The following KCNJ6 variants were observed in gnomAD, a reference collection of about 807,000 sequenced individuals.
KCNJ6 encodes potassium inwardly rectifying channel subfamily J member 6.
Under a neutral mutation model 34.2 loss-of-function variants are expected in KCNJ6, and 9 were observed. The observed-to-expected ratio is 0.26, with a 90% CI of 0.16 to 0.46. The LOEUF (loss-of-function observed/expected upper bound fraction) is 0.46. Ranked by LOEUF, KCNJ6 falls within the 20% of genes least tolerant of loss-of-function variation. The probability of loss-of-function intolerance (pLI) is 1.00; values close to 1 mark genes in which losing one functional copy is unlikely to be tolerated. For synonymous variants in KCNJ6, 196 were observed against 207.1 expected, an observed-to-expected ratio of 0.95 and a Z score of 0.46; for missense variants, 236 against 531.3, an observed-to-expected ratio of 0.44 and a Z score of 5.46.
At chr21:37,796,011 T>A (rs140442578) in intron 2 of KCNJ6, among the ~76,000 whole-genome samples, 1 of 152,200 alleles carries the variant, frequency 6.6e-6, no homozygotes, top group East Asian at 1.9e-4. Context: ...AATTGAGATG[T>A]AGAAGAATAA....
At chr21:37,654,903 C>G (rs1008553663) in intron 3 of KCNJ6, among the ~76,000 whole-genome samples, 1 of 152,166 alleles carries the variant, frequency 6.6e-6, no homozygotes, top group East Asian at 1.9e-4. Flanking sequence ...ATGGACATCC[C>G]CAAGGCCAAT....
intron 1 of KCNJ6, among the ~76,000 whole-genome samples, chr21:37,850,899 G>A (rs1054519615): frequency 6.6e-6 from 1 of 152,174 alleles, no homozygotes; most frequent in South Asian, 2.1e-4. Flanking sequence ...TATGCATGCT[G>A]CTGTGGGACT....
chr21:37,607,451 C>G lies in KCNJ6; in HGVS notation c.*17708G>C, dbSNP rs892848017. The G allele has an allele frequency of 1.0e-5, 1 of 96,670 alleles. No individual in the cohort carries two copies. Among genetic ancestry groups the G allele is most frequent in the Non-Finnish European group, 2.1e-5 (1 of 47,904 alleles). 6.0% of individuals were successfully genotyped at this position (96,670 alleles called of 1,614,324 possible). On this transcript the variant is annotated 3_prime_UTR_variant, in exon 4 of 4. Transcript: ENST00000609713. ...TATGTAAACAGTTTCCCTAACACAG[C>G]GAGTTCTTAAAGATATATATATATA...
At chr21:37,909,966 G>A (rs1242886036) in intron 1 of KCNJ6, among the ~76,000 whole-genome samples, 1 of 152,128 alleles carries the variant, frequency 6.6e-6, no homozygotes, top group East Asian at 1.9e-4. Context: ...TGAATTGTCC[G>A]GTCAATGGAA....
chr21:37,709,247 C>T (rs2054737297), intron 3 of KCNJ6, among the ~76,000 whole-genome samples: 1 of 152,064 alleles, frequency 6.6e-6, no homozygotes, highest in South Asian at 2.1e-4. Context: ...CGCGGTGGCT[C>T]ACACCTGTAA....
Position 37,612,655 on chromosome 21 carries a change from A to G in KCNJ6, c.*12504T>C, listed in dbSNP as rs1330649073. ...ATCCTTGGCAAAGGAGCACAGGCAA[A>G]ACAGTGCGGCAAAGAGGGTCTTTTC... On this transcript the variant is annotated 3_prime_UTR_variant, in exon 4 of 4. Coordinates refer to ENST00000609713, the MANE Select transcript of KCNJ6 (RefSeq NM_002240.5). 1.3e-5 allele frequency: 2 copies of G among 151,990 alleles called. No homozygotes were observed. Among genetic ancestry groups the G allele is most frequent in the Non-Finnish European group, 2.9e-5 (2 of 68,008 alleles). 9.4% of individuals were successfully genotyped at this position (151,990 alleles called of 1,614,324 possible). A position where few individuals can be genotyped will look rare whatever the true frequency, so the allele number is the denominator to read the frequency against.
In KCNJ6 at chr21:37,767,495, CA is replaced by C. The variant is rs1254449685; in HGVS notation, c.26-52365del. On this transcript the variant is annotated intron_variant, in intron 2 of 3. Coordinates refer to ENST00000609713, the MANE Select transcript of KCNJ6 (RefSeq NM_002240.5). Reference sequence around the variant, plus strand: ...CAGGGAACCAGGGAAGAGGCTGGGCCACACTTGGGAGTTGCCACTGCCAACC... The same window carrying C: ...CAGGGAACCAGGGAAGAGGCTGGGCCCACTTGGGAGTTGCCACTGCCAACC... 4.6e-5 allele frequency among the ~76,000 whole-genome samples: 7 copies of C among 152,152 alleles called. No homozygotes were observed. The South Asian group carries it at 1.4e-3, about 32-fold the overall frequency.
At chr21:37,787,775 G>A (rs149374107) in intron 2 of KCNJ6, among the ~76,000 whole-genome samples, 138 of 152,262 alleles carry the variant, frequency 9.1e-4, no homozygotes, top group African/African-American at 3.2e-3. Context: ...AATCTGAAAT[G>A]GAGTTAGAAA....
At chr21:37,839,174 G>A (rs528974007) in intron 2 of KCNJ6, among the ~76,000 whole-genome samples, 2 of 152,216 alleles carry the variant, frequency 1.3e-5, no homozygotes, top group Admixed American at 1.3e-4. Context: ...ACCAGTTTGG[G>A]GTTTTTCAAA....
intron 3 of KCNJ6, among the ~76,000 whole-genome samples, chr21:37,711,051 C>T (rs1401217560): frequency 6.6e-6 from 1 of 152,210 alleles, no homozygotes; most frequent in Non-Finnish European, 1.5e-5. Context: ...GGCTGTTCTG[C>T]GTGGGCATGG....
At position 37,717,422 on chromosome 21, in the gene KCNJ6, A is replaced by G. The variant is rs1006045284; in HGVS notation, c.26-2291T>C. On this transcript the variant is annotated intron_variant, in intron 2 of 3. Coordinates refer to ENST00000609713, the MANE Select transcript of KCNJ6 (RefSeq NM_002240.5). Reference sequence around the variant, plus strand: ...AGGGGCCATGTCCTTCTCACTGGAGATGGGGTGGGTGTATGGATGGAGGCA... The same window carrying G: ...AGGGGCCATGTCCTTCTCACTGGAGGTGGGGTGGGTGTATGGATGGAGGCA... Among the ~76,000 whole-genome samples the G allele has an allele frequency of 8.4e-5, 12 of 142,844 alleles. No individual in the cohort carries two copies. The East Asian group carries it at 2.7e-3, about 33-fold the overall frequency. 93.7% of individuals were successfully genotyped at this position (142,844 alleles called of 152,430 possible). A position where few individuals can be genotyped will look rare whatever the true frequency, so the allele number is the denominator to read the frequency against.
intron 3 of KCNJ6, among the ~76,000 whole-genome samples, chr21:37,704,265 T>C (rs1234364188): frequency 8.6e-6 from 1 of 116,424 alleles, no homozygotes; most frequent in East Asian, 4.8e-4. Flanking sequence ...ACCAGCAGCA[T>C]ATTTGTTCCC....
At chr21:37,800,553 C>T (rs929448177) in intron 2 of KCNJ6, among the ~76,000 whole-genome samples, 1 of 152,170 alleles carries the variant, frequency 6.6e-6, no homozygotes, top group African/African-American at 2.4e-5. Flanking sequence ...CAAAAATCCA[C>T]ATTAGTACAA....
intron 2 of KCNJ6, among the ~76,000 whole-genome samples, chr21:37,761,137 G>A (rs1206987073): frequency 6.6e-6 from 1 of 151,452 alleles, no homozygotes; most frequent in Non-Finnish European, 1.5e-5. Context: ...TGTGGTGTAC[G>A]TGTGGTATGT....
intron 2 of KCNJ6, among the ~76,000 whole-genome samples, chr21:37,761,578 G>C (rs1385916924): frequency 6.6e-6 from 1 of 150,794 alleles, no homozygotes; most frequent in Non-Finnish European, 1.5e-5. Flanking sequence ...TGTATGTAGT[G>C]TGTGTGTATA....
chr21:37,707,729 G>GTGTGTGTGTGTGTGTGTGTATA (rs1556022151), intron 3 of KCNJ6, among the ~76,000 whole-genome samples: 3 of 150,916 alleles, frequency 2.0e-5, no homozygotes, highest in African/African-American at 4.9e-5. Context: ...GTGCATGTGT[G>GTGTGTGTGTGTGTGTGTGTATA]TGTGTGAATA....
intron 1 of KCNJ6, among the ~76,000 whole-genome samples, chr21:37,868,060 C>T (rs1034722424): frequency 5.9e-5 from 9 of 152,188 alleles, no homozygotes; most frequent in African/African-American, 2.2e-4. Flanking sequence ...TCACAGCCAG[C>T]TGGGAGAATG....
chr21:37,898,276 CAG>C (rs1332014520), intron 1 of KCNJ6, among the ~76,000 whole-genome samples: 1 of 152,226 alleles, frequency 6.6e-6, no homozygotes, highest in East Asian at 1.9e-4. Context: ...TAGGCCACTG[CAG>C]AGTGTCTGTC....
rs577346050 is a variant in KCNJ6, at chr21:37,658,757, A to C, written c.947-33273T>G. On this transcript the variant is annotated intron_variant, in intron 3 of 3. Coordinates refer to ENST00000609713, the MANE Select transcript of KCNJ6 (RefSeq NM_002240.5). ...TCAGAGGGCGTTCCTCACTCCTCTT[A>C]TTGCAGGTGAAGAAACAGAGGCAGT... is the stretch of plus-strand genomic sequence containing the variant. 2.0e-5 allele frequency among the ~76,000 whole-genome samples: 3 copies of C among 152,256 alleles called. No homozygotes were observed. The South Asian group carries it at 6.2e-4, about 32-fold the overall frequency.
Sources: allele counts gnomAD v4.1 joint callset (sites outside exome capture counted in the v4.1 genomes callset), GRCh38; gene constraint gnomAD v4.1.1; transcripts MANE v1.5; gene names NCBI Gene and HGNC (gene_info 2026-07-23, HGNC 2026-07-21).